The following RBFOX1 variants were observed in gnomAD, a reference collection of about 807,000 sequenced individuals.
The protein encoded by RBFOX1 is RNA binding protein fox-1 homolog 1.
RBFOX1 carries 8 observed loss-of-function variants against 57.7 expected under a neutral mutation model. That is an observed-to-expected ratio of 0.14 (90% CI 0.08 to 0.25). RBFOX1 has a LOEUF of 0.25. Ranked by LOEUF, RBFOX1 falls within the 10% of genes least tolerant of loss-of-function variation. The pLI is 1.00. For missense variants in RBFOX1, 611 were observed against 548.5 expected (o/e 1.11, Z -1.14); for synonymous variants, 326 against 222.4 (o/e 1.47, Z -4.15).
In RBFOX1 at chr16:6,588,392, C is replaced by T. The variant is rs189864922; in HGVS notation, c.-63-66211C>T. On this transcript the variant is annotated intron_variant, in intron 2 of 15. Transcript: ENST00000550418. ...TCTCGGCTGGGTGCGATGGCTCACG[C>T]CTGTAATCCCAGCAATTTGGGAGGC... Among the ~76,000 whole-genome samples, 365 of 152,162 alleles carry T rather than the reference C, an allele frequency of 2.4e-3. 3 individuals carry two copies. Among genetic ancestry groups the T allele is most frequent in the African/African-American group, 8.2e-3 (340 of 41,532 alleles).
chr16:6,344,694 G>GTTT (rs5815301), intron 2 of RBFOX1, among the ~76,000 whole-genome samples: 2,626 of 88,292 alleles, frequency 0.03, 189 homozygotes, highest in African/African-American at 0.062. Context: ...ACCGAGCCCG[G>GTTT]TTTTTTTTTT....
chr16:7,259,100 C>A (rs957559483), intron 4 of RBFOX1, among the ~76,000 whole-genome samples: 4 of 152,268 alleles, frequency 2.6e-5, no homozygotes, highest in Admixed American at 6.5e-5. Flanking sequence ...CCATGAGAAG[C>A]AATTTAACCT....
intron 3 of RBFOX1, among the ~76,000 whole-genome samples, chr16:6,887,502 T>C (rs1433502681): frequency 6.6e-6 from 1 of 152,214 alleles, no homozygotes; most frequent in African/African-American, 2.4e-5. Context: ...CTGGAATCAT[T>C]AATCATGTAT....
chr16:6,923,751 C>G (rs2074990019), intron 3 of RBFOX1, among the ~76,000 whole-genome samples: 1 of 152,074 alleles, frequency 6.6e-6, no homozygotes. Context: ...ACACAGATAT[C>G]AAAGCTTAAT....
chr16:6,218,384 C>T (rs1300928384), intron 1 of RBFOX1, among the ~76,000 whole-genome samples: 1 of 152,136 alleles, frequency 6.6e-6, no homozygotes, highest in Non-Finnish European at 1.5e-5. Context: ...TCTCGGCTCA[C>T]TGCGACACCT....
intron 3 of RBFOX1, among the ~76,000 whole-genome samples, chr16:6,883,126 A>T (rs1460856538): frequency 6.6e-6 from 1 of 152,190 alleles, no homozygotes; most frequent in Non-Finnish European, 1.5e-5. Flanking sequence ...TATATCAAGC[A>T]GATCATTAAG....
chr16:6,541,204 T>C (rs917885520), intron 2 of RBFOX1, among the ~76,000 whole-genome samples: 1 of 152,186 alleles, frequency 6.6e-6, no homozygotes, highest in Non-Finnish European at 1.5e-5. Context: ...CTCTAGGTCC[T>C]CCTGTCTTAG....
At position 6,649,737 on chromosome 16, in the gene RBFOX1, G is replaced by T. The variant is rs183945244; in HGVS notation, c.-63-4866G>T. Among the ~76,000 whole-genome samples the T allele has an allele frequency of 3.5e-3, 529 of 152,064 alleles. 4 individuals carry two copies. The highest frequency in any genetic ancestry group is 0.021 in the Middle Eastern group (6 of 292). On this transcript the variant is annotated intron_variant, in intron 2 of 15. Transcript: ENST00000550418. ...TCAGTAGTATTCCATTATATATGTT[G>T]GGGAAGTATTTTATTACATATGTAT...
At chr16:7,006,439 C>T (rs901834423) in intron 3 of RBFOX1, among the ~76,000 whole-genome samples, 49 of 152,148 alleles carry the variant, frequency 3.2e-4, no homozygotes, top group African/African-American at 1.2e-3. Context: ...AGGCTTGAGC[C>T]ACTGCGCCCG....
chr16:7,579,731 A>G, intron 5 of RBFOX1, 46 bp from the exon 6 acceptor site: 2 of 1,611,196 alleles, frequency 1.2e-6, no homozygotes, highest in Non-Finnish European at 1.7e-6. Context: ...GGAAGAGAGC[A>G]CTGTGGTCCA....
intron 1 of RBFOX1, among the ~76,000 whole-genome samples, chr16:5,447,024 T>C (rs1368699494): frequency 6.6e-6 from 1 of 152,124 alleles, no homozygotes; most frequent in Admixed American, 6.5e-5. Flanking sequence ...TCCTGGTATG[T>C]AGAAGCACCC....
chr16:5,980,553 G>A (rs561206765), intron 4 of RBFOX1, among the ~76,000 whole-genome samples: 7 of 152,314 alleles, frequency 4.6e-5, no homozygotes, highest in Admixed American at 3.9e-4. Flanking sequence ...ATTCTCAGAA[G>A]TTAAGTAGAG....
At chr16:7,489,553 C>T (rs1383676277) in intron 4 of RBFOX1, among the ~76,000 whole-genome samples, 1 of 151,846 alleles carries the variant, frequency 6.6e-6, no homozygotes, top group Non-Finnish European at 1.5e-5. Flanking sequence ...TGTCACTCTG[C>T]TGCCCAGGCT....
At chr16:5,591,246 A>G (rs1218386673) in intron 2 of RBFOX1, among the ~76,000 whole-genome samples, 2 of 147,768 alleles carry the variant, frequency 1.4e-5, no homozygotes, top group African/African-American at 5.1e-5. Flanking sequence ...CTTCTCCAAA[A>G]TGAACCTTTT....
intron 4 of RBFOX1, among the ~76,000 whole-genome samples, chr16:7,214,399 C>T (rs1030523818): frequency 6.6e-6 from 1 of 152,054 alleles, no homozygotes; most frequent in East Asian, 1.9e-4. Flanking sequence ...CTTTGTCCTC[C>T]TTAATTCCTC....
intron 2 of RBFOX1, among the ~76,000 whole-genome samples, chr16:6,462,920 A>G (rs2094954686): frequency 6.6e-6 from 1 of 152,188 alleles, no homozygotes. Context: ...CAATTAGTTT[A>G]TCTTTTTCTT....
chr16:7,137,783 G>A (rs9302839), intron 4 of RBFOX1, among the ~76,000 whole-genome samples: 16,915 of 152,204 alleles, frequency 0.11, 1,107 homozygotes, highest in East Asian at 0.22. Context: ...TGGTCCTGGA[G>A]TAGAAACTCC....
intron 3 of RBFOX1, among the ~76,000 whole-genome samples, chr16:6,732,946 T>A (rs7192028): frequency 6.6e-6 from 1 of 152,058 alleles, no homozygotes; most frequent in Non-Finnish European, 1.5e-5. Flanking sequence ...CTGAATAAAG[T>A]AAGAGCTACT....
At chr16:6,531,380 C>T (rs2096655912) in intron 2 of RBFOX1, among the ~76,000 whole-genome samples, 3 of 152,174 alleles carry the variant, frequency 2.0e-5, no homozygotes, top group African/African-American at 4.8e-5. Flanking sequence ...GGTACCAGAG[C>T]TCTCAGACAT....
Sources: gnomAD v4.1 joint callset for allele counts (sites outside exome capture counted in the v4.1 genomes callset) on GRCh38, gnomAD v4.1.1 for gene constraint, MANE v1.5 for transcripts, NCBI Gene and HGNC (gene_info 2026-07-23, HGNC 2026-07-21) for gene names.